The following BSN variants were observed in gnomAD, a reference collection of about 807,000 sequenced individuals.
BSN encodes bassoon presynaptic cytomatrix protein.
In BSN, 57 loss-of-function variants were observed where a neutral mutation model predicts 264.8. The observed-to-expected ratio is 0.22, with a 90% CI of 0.17 to 0.27. The LOEUF (loss-of-function observed/expected upper bound fraction) is 0.27, where lower values mean the gene tolerates loss of function less well. BSN is among the 10% of genes least tolerant of loss of function. The pLI is 1.00. For missense variants in BSN, 4,615 were observed against 5,232.5 expected, an observed-to-expected ratio of 0.88 and a Z score of 3.64; for synonymous variants, 2,059 against 2,137.3, an observed-to-expected ratio of 0.96 and a Z score of 1.01.
At chr3:49,563,062 G>C (rs28525983) in intron 1 of BSN, among the ~76,000 whole-genome samples, 2 of 152,150 alleles carry the variant, frequency 1.3e-5, no homozygotes, top group African/African-American at 4.8e-5. Context: ...ATTGAGCATA[G>C]AAAACAAGGT....
chr3:49,555,028 G>C (rs759677040), intron 1 of BSN, among the ~76,000 whole-genome samples: 7 of 152,228 alleles, frequency 4.6e-5, no homozygotes, highest in Non-Finnish European at 7.3e-5. Context: ...GCAGGATGAC[G>C]AGCGCAGGGT....
intron 1 of BSN, among the ~76,000 whole-genome samples, chr3:49,609,421 G>A (rs1247272478): frequency 1.3e-5 from 2 of 152,038 alleles, no homozygotes; most frequent in African/African-American, 2.4e-5. Context: ...GGCTTTTAAG[G>A]AAACTGCCTT....
In BSN at chr3:49,642,722, C is replaced by T; in HGVS notation, c.1088C>T (p.Thr363Ile). 1 of 1,613,526 alleles carries T rather than the reference C, an allele frequency of 6.2e-7. No homozygotes were observed. The highest frequency in any genetic ancestry group is 8.5e-7 in the Non-Finnish European group (1 of 1,180,008). The change falls in exon 3 of 12, where the codon ACC (threonine) becomes ATC (isoleucine). Residue 363 changes from threonine (T) to isoleucine (I), a missense_variant. Coordinates refer to ENST00000296452, the MANE Select transcript of BSN (RefSeq NM_003458.4). This position sits in a 1 kb window ranked among gnomAD's most constrained non-coding sequence, Gnocchi z 7.0. ...LGASLLTQAS[T>I]LMSVQPEADT... ...GCGTCACTGCTAACCCAGGCGAGCA[C>T]CCTCATGTCTGTGCAGCCCGAGGCT...
At position 49,554,840 on chromosome 3, in the gene BSN, TCGGCGCCCGGGGGG is replaced by T; in HGVS notation, c.224+18_224+31del. The T allele has an allele frequency of 1.7e-5, 20 of 1,188,682 alleles. No homozygotes were observed. Among genetic ancestry groups the T allele is most frequent in the Non-Finnish European group, 2.0e-5 (19 of 959,548 alleles). 73.6% of individuals were successfully genotyped at this position (1,188,682 alleles called of 1,614,324 possible). A position where few individuals can be genotyped will look rare whatever the true frequency, so the allele number is the denominator to read the frequency against. ...TGGCCCGGGCAGGTAAGCGCGTGTC[TCGGCGCCCGGGGGG>T]CGGTGAGCTGCAGCCTGAGGCCGGG... On this transcript the variant is annotated intron_variant, in intron 1 of 11. Transcript: ENST00000296452.
intron 1 of BSN, among the ~76,000 whole-genome samples, chr3:49,589,619 G>A (rs1349999097): frequency 3.4e-5 from 5 of 149,174 alleles, no homozygotes; most frequent in African/African-American, 1.2e-4. Flanking sequence ...CGATTCTCCT[G>A]CCTCAGCCTC....
In BSN at chr3:49,625,529, TG is replaced by T; in HGVS notation, c.633+148del. On this transcript the variant is annotated intron_variant, in intron 2 of 11. Coordinates refer to ENST00000296452, the MANE Select transcript of BSN (RefSeq NM_003458.4). The surrounding 1 kb of genome is among the most constrained non-coding windows in gnomAD (Gnocchi z 4.4). Reference sequence around the variant, plus strand: ...TGTGTCCTCCTGCAGGGATGTGTCCTGGTTCCAGGATGTGGCAGCAAAGAAC... The same window carrying T: ...TGTGTCCTCCTGCAGGGATGTGTCCTGTTCCAGGATGTGGCAGCAAAGAAC... The T allele has an allele frequency of 2.5e-6, 2 of 813,552 alleles. No homozygotes were observed. The highest frequency in any genetic ancestry group is 1.8e-5 in the African/African-American group (1 of 55,864). The allele number at this position is 813,552 out of a possible 1,614,324, so 50.4% of individuals were successfully genotyped here.
At chr3:49,627,838 C>A (rs945544438) in intron 2 of BSN, among the ~76,000 whole-genome samples, 4 of 152,148 alleles carry the variant, frequency 2.6e-5, no homozygotes, top group African/African-American at 9.7e-5. Flanking sequence ...GTGGCCCAAT[C>A]AGAGTAGAAA....
In BSN at chr3:49,656,970, C is replaced by T. The variant is rs201098134; in HGVS notation, c.7414C>T (p.Arg2472Trp). The T allele has an allele frequency of 2.1e-4, 337 of 1,607,244 alleles. 5 individuals carry two copies. The Admixed American group carries it at 5.1e-3, about 24-fold the overall frequency. ...LQQQLEEQKQ[R>W]QKAPFPAACE... ...GCAGCAGCTAGAGGAGCAGAAGCAG[C>T]GGCAGAAGGCTCCCTTTCCTGCAGC... The change falls in exon 5 of 12, where the codon CGG becomes TGG. Residue 2472 changes from arginine to tryptophan, a missense_variant. Coordinates refer to ENST00000296452, the MANE Select transcript of BSN (RefSeq NM_003458.4).
intron 3 of BSN, among the ~76,000 whole-genome samples, chr3:49,645,885 T>C (rs1161719505): frequency 6.6e-6 from 1 of 152,192 alleles, no homozygotes; most frequent in African/African-American, 2.4e-5. Context: ...GCCATGGCTG[T>C]CTCTCTCTGG....
intron 2 of BSN, among the ~76,000 whole-genome samples, chr3:49,632,459 A>G (rs2052389643): frequency 6.6e-6 from 1 of 152,244 alleles, no homozygotes; most frequent in Non-Finnish European, 1.5e-5. Context: ...GAATATACAG[A>G]GAAGTCTTAC....
intron 1 of BSN, among the ~76,000 whole-genome samples, chr3:49,601,787 T>G (rs957742396): frequency 6.6e-6 from 1 of 152,230 alleles, no homozygotes; most frequent in South Asian, 2.1e-4. Context: ...TATTTATTCT[T>G]TTATTTTTCA....
intron 1 of BSN, among the ~76,000 whole-genome samples, chr3:49,605,550 T>TATATATTTA (rs1474243380): frequency 1.7e-3 from 2 of 1,178 alleles, no homozygotes; most frequent in Non-Finnish European, 1.3e-3. Context: ...TATATATATT[T>TATATATTTA]TATATAATAT....
At chr3:49,565,409 C>T (rs369449819) in intron 1 of BSN, among the ~76,000 whole-genome samples, 3 of 151,448 alleles carry the variant, frequency 2.0e-5, no homozygotes, top group African/African-American at 7.3e-5. Context: ...CAAGCTCTGC[C>T]CCCTGGGTTC....
Position 49,660,798 on chromosome 3 carries a change from C to A in BSN, c.8953C>A (p.Gln2985Lys). The part of the protein sequence containing the change: ...KLKYLELGIT[Q>K]RKESLAKDRG... Reference sequence around the variant, plus strand: ...CAAGTACCTGGAGTTGGGTATCACACAACGCAAAGAGTCTTTGGCCAAAGA... The same window carrying A: ...CAAGTACCTGGAGTTGGGTATCACAAAACGCAAAGAGTCTTTGGCCAAAGA... The change falls in exon 6 of 12, where the codon CAA becomes AAA. Residue 2985 changes from glutamine (Q) to lysine (K), a missense_variant. Gln to Lys is a moderately conservative substitution (Grantham distance 53, BLOSUM62 1). Transcript: ENST00000296452. The surrounding 1 kb of genome is among the most constrained non-coding windows in gnomAD (Gnocchi z 7.1). 1 of 1,613,180 alleles carries A rather than the reference C, an allele frequency of 6.2e-7. No homozygotes were observed.
chr3:49,654,561 C>T lies in BSN; in HGVS notation c.5005C>T (p.Arg1669Cys), dbSNP rs1011117276. The T allele has an allele frequency of 1.2e-5, 20 of 1,610,670 alleles. No individual in the cohort carries two copies. Among genetic ancestry groups the T allele is most frequent in the African/African-American group, 2.7e-5 (2 of 74,914 alleles). Residue 1669 changes from arginine (R) to cysteine (C), a missense_variant, in exon 5 of 12, where the codon CGT (arginine) becomes TGT (cysteine). Coordinates refer to ENST00000296452, the MANE Select transcript of BSN (RefSeq NM_003458.4). The surrounding 1 kb of genome is among the most constrained non-coding windows in gnomAD (Gnocchi z 4.1). ...CCCTGGCACTGCAGTGGTAGACCTC[C>T]GTACAGCTGTCAAGCCCACTCCCAT... ...RTPGTAVVDL[R>C]TAVKPTPIIL...
chr3:49,647,993 G>C (rs1306788565), intron 3 of BSN, among the ~76,000 whole-genome samples: 3 of 152,258 alleles, frequency 2.0e-5, no homozygotes, highest in Non-Finnish European at 4.4e-5. Context: ...GCAGAGCCAG[G>C]AGCAAGAGGG....
At chr3:49,587,917 C>CTTTTCTT (rs2051948626) in intron 1 of BSN, among the ~76,000 whole-genome samples, 1 of 147,216 alleles carries the variant, frequency 6.8e-6, no homozygotes, top group Non-Finnish European at 1.5e-5. Flanking sequence ...CTTTTCTTTT[C>CTTTTCTT]TTTTCTTTTC....
At chr3:49,557,391 G>T (rs2051681430) in intron 1 of BSN, among the ~76,000 whole-genome samples, 2 of 152,078 alleles carry the variant, frequency 1.3e-5, no homozygotes. Context: ...TATGCCTAAT[G>T]TACAGTGGAA....
intron 1 of BSN, among the ~76,000 whole-genome samples, chr3:49,590,733 T>G (rs1318368766): frequency 8.6e-5 from 13 of 151,920 alleles, no homozygotes. Context: ...ATAATAATTA[T>G]TACACATAAT....
Sources: allele counts gnomAD v4.1 joint callset (sites outside exome capture counted in the v4.1 genomes callset), GRCh38; gene constraint gnomAD v4.1.1; non-coding constraint Gnocchi (gnomAD v3.1); transcripts MANE v1.5; gene names NCBI Gene and HGNC (gene_info 2026-07-23, HGNC 2026-07-21).